Variants in RICTOR observed in about 807,000 individuals in gnomAD.
RICTOR encodes RPTOR independent companion of MTOR complex 2.
In RICTOR, 49 loss-of-function variants were observed where a neutral mutation model predicts 214.9. The observed-to-expected ratio is 0.23, with a 90% confidence interval of 0.18 to 0.29. The LOEUF (loss-of-function observed/expected upper bound fraction) is 0.29, where lower values mean the gene tolerates loss of function less well. Ranked by LOEUF, RICTOR falls within the 10% of genes least tolerant of loss-of-function variation. The pLI, the probability that RICTOR is intolerant of heterozygous loss-of-function variation, is 1.00. For missense variants in RICTOR, 1,625 were observed against 2,047.0 expected (o/e 0.79, Z 3.98); for synonymous variants, 717 against 711.3 (o/e 1.01, Z -0.13).
At chr5:39,059,153 TACA>T (rs1758379480) in intron 2 of RICTOR, among the ~76,000 whole-genome samples, 1 of 152,112 alleles carries the variant, frequency 6.6e-6, no homozygotes, top group East Asian at 1.9e-4. Flanking sequence ...ACTTTATATA[TACA>T]ACATGGTGAT....
intron 2 of RICTOR, among the ~76,000 whole-genome samples, chr5:39,059,366 A>G (rs868086458): frequency 2.0e-5 from 3 of 152,042 alleles, no homozygotes; most frequent in Non-Finnish European, 4.4e-5. Flanking sequence ...TTGGCTGGGA[A>G]AGTAGTGCCT....
intron 11 of RICTOR, 118 bp from the exon 12 acceptor site, chr5:38,968,148 C>A: frequency 1.6e-6 from 1 of 639,240 alleles, no homozygotes; most frequent in Non-Finnish European, 2.9e-6. Flanking sequence ...AATGACATGT[C>A]ACATAACAAT....
At chr5:38,960,068 A>G in intron 20 of RICTOR, 90 bp from the exon 21 acceptor site, 1 of 908,502 alleles carries the variant, frequency 1.1e-6, no homozygotes, top group Non-Finnish European at 1.8e-6. Flanking sequence ...AAACTTACTA[A>G]TAATGATGAA....
intron 2 of RICTOR, among the ~76,000 whole-genome samples, chr5:39,021,841 T>C (rs1415944209): frequency 6.6e-6 from 1 of 152,212 alleles, no homozygotes; most frequent in South Asian, 2.1e-4. Context: ...CAACTTTCAC[T>C]TGATAGCTGT....
chr5:39,008,460 G>A (rs1004044295), intron 3 of RICTOR, among the ~76,000 whole-genome samples: 3 of 152,034 alleles, frequency 2.0e-5, no homozygotes, highest in Non-Finnish European at 4.4e-5. Context: ...AAGTGGTAAA[G>A]CTGGAAATCA....
chr5:39,071,161 T>C (rs1759292609), intron 2 of RICTOR, among the ~76,000 whole-genome samples: 1 of 152,234 alleles, frequency 6.6e-6, no homozygotes, highest in South Asian at 2.1e-4. Flanking sequence ...TGAAATGTCC[T>C]GGTGTCAGAG....
At position 38,957,633 on chromosome 5, in the gene RICTOR, T is replaced by C; in HGVS notation, c.2499+19A>G. ...AGATAAAAACACACAAATTCAACTTTATTCAAATAAGAAGTTACCCTGTGC... is the reference window on the plus strand; with the variant it reads ...AGATAAAAACACACAAATTCAACTTCATTCAAATAAGAAGTTACCCTGTGC... On this transcript the variant is annotated intron_variant, in intron 25 of 37. Coordinates refer to ENST00000357387, the MANE Select transcript of RICTOR (RefSeq NM_152756.5). The C allele has an allele frequency of 7.6e-7, 1 of 1,323,158 alleles. No individual in the cohort carries two copies. 82.0% of individuals were successfully genotyped at this position (1,323,158 alleles called of 1,614,324 possible). A position where few individuals can be genotyped will look rare whatever the true frequency, so the allele number is the denominator to read the frequency against.
intron 2 of RICTOR, among the ~76,000 whole-genome samples, chr5:39,051,038 TATATAC>T (rs1211058707): frequency 1.0e-5 from 1 of 98,314 alleles, no homozygotes; most frequent in African/African-American, 3.5e-5. Context: ...CCCATACATA[TATATAC>T]ACACACACAC....
Position 38,996,867 on chromosome 5 carries a change from T to C in RICTOR, c.408A>G (p.Gln136=). The C allele has an allele frequency of 3.1e-6, 5 of 1,609,716 alleles. No individual in the cohort carries two copies. The highest frequency in any genetic ancestry group is 3.4e-6 in the Non-Finnish European group (4 of 1,176,364). Residue 136 remains glutamine (Q), a synonymous_variant, in exon 6 of 38, where the codon CAA becomes CAG. Coordinates refer to ENST00000357387, the MANE Select transcript of RICTOR (RefSeq NM_152756.5). ...GTGTCCTCTCTACCTCGTTGCTCTG[T>C]TGTATGTCAATGCACCTAAACAATA... The part of the protein sequence containing the change: ...DYLIARCIDI[Q]QSNEVERTQA...
chr5:39,004,296 T>A (rs1441275836), intron 3 of RICTOR, among the ~76,000 whole-genome samples: 1 of 152,144 alleles, frequency 6.6e-6, no homozygotes, highest in African/African-American at 2.4e-5. Context: ...AATAATTTTT[T>A]TTTTTACATT....
intron 9 of RICTOR, 121 bp from the exon 10 acceptor site, chr5:38,975,725 T>TTTTTTG: frequency 1.9e-6 from 1 of 539,970 alleles, no homozygotes; most frequent in Non-Finnish European, 3.1e-6. Flanking sequence ...CACATAAAAT[T>TTTTTTG]AAAACAAGAC....
At position 38,955,691 on chromosome 5, in the gene RICTOR, T is replaced by C; in HGVS notation, c.2513A>G (p.Lys838Arg). Residue 838 changes from lysine (K) to arginine (R), a missense_variant, in exon 26 of 38, where the codon AAA becomes AGA. Physicochemically the swap from Lys to Arg is conservative, Grantham distance 26 (BLOSUM62 2). Transcript: ENST00000357387. Reference protein sequence around the residue: ...LEKWHREYNSKYVDLIEEQLN... With the variant: ...LEKWHREYNSRYVDLIEEQLN... Reference sequence around the variant, plus strand: ...TTGTTCCTCAATCAAGTCAACATATTTGGAGTTGTATTCCTAGAGGATAAT... The same window carrying C: ...TTGTTCCTCAATCAAGTCAACATATCTGGAGTTGTATTCCTAGAGGATAAT... The C allele has an allele frequency of 1.9e-6, 3 of 1,579,268 alleles. No homozygotes were observed. The highest frequency in any genetic ancestry group is 2.2e-5 in the East Asian group (1 of 44,634).
chr5:39,009,754 C>A (rs1182195783), intron 3 of RICTOR, among the ~76,000 whole-genome samples: 2 of 151,982 alleles, frequency 1.3e-5, no homozygotes, highest in Non-Finnish European at 2.9e-5. Flanking sequence ...AATAAATTCA[C>A]ATATATATTG....
At chr5:39,069,549 G>A (rs559184555) in intron 2 of RICTOR, among the ~76,000 whole-genome samples, 11 of 152,304 alleles carry the variant, frequency 7.2e-5, no homozygotes, top group Admixed American at 6.5e-4. Flanking sequence ...GCAGACAATT[G>A]AGGAATTCAC....
At chr5:39,016,790 T>C (rs1754994323) in intron 3 of RICTOR, among the ~76,000 whole-genome samples, 1 of 152,154 alleles carries the variant, frequency 6.6e-6, no homozygotes, top group African/African-American at 2.4e-5. Flanking sequence ...TAGATACTAG[T>C]TGCAAGTGAC....
intron 32 of RICTOR, 93 bp from the exon 33 acceptor site, chr5:38,946,645 G>T: frequency 2.6e-6 from 2 of 768,564 alleles, no homozygotes; most frequent in Non-Finnish European, 4.5e-6. Context: ...AATTAAAATA[G>T]AATTACCATA....
intron 2 of RICTOR, among the ~76,000 whole-genome samples, chr5:39,060,348 T>A (rs1189268653): frequency 6.6e-6 from 1 of 152,062 alleles, no homozygotes; most frequent in Non-Finnish European, 1.5e-5. Context: ...CTATTTTACA[T>A]ATATTAGCGT....
intron 24 of RICTOR, 141 bp downstream of exon 24, chr5:38,958,302 C>G: frequency 3.2e-6 from 2 of 617,094 alleles, no homozygotes; most frequent in Non-Finnish European, 5.7e-6. Flanking sequence ...AAGAAAAACC[C>G]AAAATAATGA....
intron 2 of RICTOR, among the ~76,000 whole-genome samples, chr5:39,039,927 G>A (rs1282455742): frequency 6.6e-6 from 1 of 151,924 alleles, no homozygotes; most frequent in Non-Finnish European, 1.5e-5. Context: ...CAGGGATCTA[G>A]AACTAGAAAT....
Sources: allele counts gnomAD v4.1 joint callset (sites outside exome capture counted in the v4.1 genomes callset), GRCh38; gene constraint gnomAD v4.1.1; transcripts MANE v1.5; gene names NCBI Gene and HGNC (gene_info 2026-07-23, HGNC 2026-07-21).